The following PRSS12 variants were observed in gnomAD, a reference collection of about 807,000 sequenced individuals.
PRSS12 encodes the protein neurotrypsin.
Under a neutral mutation model 104.4 loss-of-function variants are expected in PRSS12, and 85 were observed. That is an observed-to-expected ratio of 0.81 (90% CI 0.68 to 0.98). The LOEUF (loss-of-function observed/expected upper bound fraction) is 0.98. PRSS12 is among the 50% of genes least tolerant of loss of function. The probability of loss-of-function intolerance (pLI) is 0.00; values close to 1 mark genes in which losing one functional copy is unlikely to be tolerated. For missense variants in PRSS12, 1,141 were observed against 1,139.2 expected, an observed-to-expected ratio of 1.00 and a Z score of -0.02; for synonymous variants, 454 against 425.2, an observed-to-expected ratio of 1.07 and a Z score of -0.83.
chr4:118,298,823 C>T lies in PRSS12; in HGVS notation c.1747G>A (p.Asp583Asn), dbSNP rs1454348117. 1.2e-6 allele frequency: 2 copies of T among 1,614,144 alleles called. No individual in the cohort carries two copies. Among genetic ancestry groups the T allele is most frequent in the East Asian group, 4.5e-5 (2 of 44,878 alleles). Residue 583 changes from aspartate to asparagine, a missense_variant, in exon 9 of 13, where the codon GAT becomes AAT. By Grantham distance (23) the Asp-to-Asn change is conservative. Transcript: ENST00000296498. The stretch of plus-strand genomic sequence containing the variant: ...TGGCGGCAGTTGTGTCTTCCAATAT[C>T]TTGCTTGATACAGTCAGCCAAGGAC... ...ERSLADCIKQ[D>N]IGRHNCRHSE...
At chr4:118,289,713 T>C (rs1233398288) in intron 11 of PRSS12, among the ~76,000 whole-genome samples, 1 of 152,192 alleles carries the variant, frequency 6.6e-6, no homozygotes, top group Admixed American at 6.5e-5. Flanking sequence ...AATAAAGATG[T>C]GAGCTGTAGC....
At chr4:118,335,801 C>T in intron 2 of PRSS12, 150 bp from the exon 3 acceptor site, 1 of 780,940 alleles carries the variant, frequency 1.3e-6, no homozygotes, top group Non-Finnish European at 2.1e-6. Flanking sequence ...AAGACTACAT[C>T]AGTTTCAAGG....
intron 4 of PRSS12, among the ~76,000 whole-genome samples, chr4:118,320,942 T>C (rs1170801460): frequency 6.6e-6 from 1 of 152,112 alleles, no homozygotes; most frequent in Non-Finnish European, 1.5e-5. Flanking sequence ...AGAAGATGGC[T>C]TAAGCAAAAT....
At chr4:118,326,227 T>C (rs984260639) in intron 4 of PRSS12, among the ~76,000 whole-genome samples, 2 of 152,184 alleles carry the variant, frequency 1.3e-5, no homozygotes, top group Non-Finnish European at 2.9e-5. Flanking sequence ...TTGTAATCCA[T>C]GGATGAAAAA....
At position 118,352,883 on chromosome 4, in the gene PRSS12, G is replaced by T; in HGVS notation, c.-163C>A. 2.1e-6 allele frequency: 3 copies of T among 1,415,724 alleles called. No homozygotes were observed. Among genetic ancestry groups the T allele is most frequent in the Middle Eastern group, 2.6e-4 (1 of 3,882 alleles). 87.7% of individuals were successfully genotyped at this position (1,415,724 alleles called of 1,614,324 possible). A position where few individuals can be genotyped will look rare whatever the true frequency, so the allele number is the denominator to read the frequency against. On this transcript the variant is annotated 5_prime_UTR_variant, in exon 1 of 13. Transcript: ENST00000296498. ...CGCCTCCCCAACCTTGCCTCCCGCC[G>T]CTGGTGCCCTGCCGCGCCTCGGCTC... is the stretch of plus-strand genomic sequence containing the variant.
At chr4:118,301,710 G>T (rs1196016733) in intron 8 of PRSS12, among the ~76,000 whole-genome samples, 8 of 151,960 alleles carry the variant, frequency 5.3e-5, no homozygotes, top group Admixed American at 5.2e-4. Context: ...TTTTTGTTTT[G>T]TTGTTAGTTT....
chr4:118,352,712 G>A lies in PRSS12; in HGVS notation c.9C>T (p.Leu3=), dbSNP rs746137392. MT[L]ARFVLALMLG... ...ACATCAGGGCTAGCACGAAGCGGGC[G>A]AGCGTCATGGTGCCAGCGCTGCGGG... is the stretch of plus-strand genomic sequence containing the variant. The change falls in exon 1 of 13, where the codon CTC becomes CTT. Residue 3 remains leucine, a synonymous_variant. Transcript: ENST00000296498. The A allele has an allele frequency of 6.2e-5, 100 of 1,612,722 alleles. No individual in the cohort carries two copies. The highest frequency in any genetic ancestry group is 5.7e-4 in the Admixed American group (34 of 59,980).
At chr4:118,284,298 A>C (rs1742966246) in intron 11 of PRSS12, among the ~76,000 whole-genome samples, 2 of 152,330 alleles carry the variant, frequency 1.3e-5, no homozygotes, top group Admixed American at 6.5e-5. Flanking sequence ...CCTGTTAGGC[A>C]AACTGCCCCC....
At chr4:118,304,249 C>T (rs967913721) in intron 8 of PRSS12, among the ~76,000 whole-genome samples, 4 of 150,654 alleles carry the variant, frequency 2.7e-5, no homozygotes, top group East Asian at 1.9e-4. Flanking sequence ...ATTGAGATTC[C>T]GTGGGGGAAG....
chr4:118,344,664 GA>G (rs937613122), intron 1 of PRSS12, among the ~76,000 whole-genome samples: 2 of 151,748 alleles, frequency 1.3e-5, no homozygotes, highest in African/African-American at 2.4e-5. Context: ...TAAATGCTGA[GA>G]AAAAAAATCA....
In PRSS12 at chr4:118,281,317, A is replaced by G. The variant is rs993508528; in HGVS notation, c.*619T>C. ...TGGTTTCTGTAGCACTTGGTACTCA[A>G]CAAGGATACTTGTTTCCAAATATCA... On this transcript the variant is annotated 3_prime_UTR_variant, in exon 13 of 13. Transcript: ENST00000296498. 1 of 155,522 alleles carries G rather than the reference A, an allele frequency of 6.4e-6. No individual in the cohort carries two copies. Among genetic ancestry groups the G allele is most frequent in the Admixed American group, 6.2e-5 (1 of 16,080 alleles). 9.6% of individuals were successfully genotyped at this position (155,522 alleles called of 1,614,324 possible). A position where few individuals can be genotyped will look rare whatever the true frequency, so the allele number is the denominator to read the frequency against.
chr4:118,350,290 A>G (rs1351553704), intron 1 of PRSS12, among the ~76,000 whole-genome samples: 1 of 152,248 alleles, frequency 6.6e-6, no homozygotes, highest in African/African-American at 2.4e-5. Context: ...CTAAAGCACA[A>G]TTCAATATTC....
intron 8 of PRSS12, among the ~76,000 whole-genome samples, chr4:118,306,287 T>C (rs1057428574): frequency 2.0e-5 from 3 of 152,216 alleles, no homozygotes; most frequent in Non-Finnish European, 4.4e-5. Context: ...CTAAATTCAC[T>C]TTTGAGTTAA....
In PRSS12 at chr4:118,315,749, A is replaced by G. The variant is rs1743888643; in HGVS notation, c.1292+433T>C. Among the ~76,000 whole-genome samples the G allele has an allele frequency of 3.3e-5, 5 of 152,224 alleles. No individual in the cohort carries two copies. In the South Asian group the frequency reaches 1.0e-3, roughly 31 times the overall value. On this transcript the variant is annotated intron_variant, in intron 6 of 12. Transcript: ENST00000296498. Reference sequence around the variant, plus strand: ...AACAAGAGGGCTGTTTTTCTCAAATAAAAGTGATAATTATCATCACATTCT... The same window carrying G: ...AACAAGAGGGCTGTTTTTCTCAAATGAAAGTGATAATTATCATCACATTCT...
At chr4:118,298,647 G>C (rs1743313923) in intron 9 of PRSS12, 86 bp downstream of exon 9, 2 of 1,300,944 alleles carry the variant, frequency 1.5e-6, no homozygotes, top group Admixed American at 3.5e-5. Flanking sequence ...TGTTGTACTA[G>C]ATTTCTGTTA....
Position 118,281,986 on chromosome 4 carries a change from T to A in PRSS12, c.2578A>T (p.Thr860Ser), listed in dbSNP as rs1431708270. The A allele has an allele frequency of 6.5e-7, 1 of 1,544,996 alleles. No homozygotes were observed. The highest frequency in any genetic ancestry group is 1.1e-5 in the South Asian group (1 of 89,638). The part of the protein sequence containing the change: ...CGVKDSPGVY[T>S]KVSAFVPWIK... ...CAAGGTACAAAGGCTGAGACTTTGG[T>A]ATAAACACCAGGAGAATCCTTGACT... Residue 860 changes from threonine to serine, a missense_variant, in exon 13 of 13, where the codon ACC becomes TCC. Thr to Ser is a moderately conservative substitution (Grantham distance 58). Coordinates refer to ENST00000296498, the MANE Select transcript of PRSS12 (RefSeq NM_003619.4).
intron 1 of PRSS12, among the ~76,000 whole-genome samples, chr4:118,344,207 A>T (rs1020217871): frequency 6.6e-6 from 1 of 152,194 alleles, no homozygotes; most frequent in Non-Finnish European, 1.5e-5. Context: ...CACATATTTG[A>T]CATTAAGTTA....
intron 1 of PRSS12, among the ~76,000 whole-genome samples, chr4:118,344,958 T>C (rs1724320852): frequency 6.6e-6 from 1 of 152,156 alleles, no homozygotes; most frequent in Admixed American, 6.5e-5. Context: ...CAGTGAGTGA[T>C]GAAATTGAAA....
intron 8 of PRSS12, among the ~76,000 whole-genome samples, chr4:118,305,058 T>G (rs888887818): frequency 1.3e-5 from 2 of 150,570 alleles, no homozygotes; most frequent in African/African-American, 4.9e-5. Flanking sequence ...ATAGACATGA[T>G]GAAAAAAAGA....
Sources: allele counts gnomAD v4.1 joint callset (sites outside exome capture counted in the v4.1 genomes callset), GRCh38; gene constraint gnomAD v4.1.1; transcripts MANE v1.5; gene names NCBI Gene and HGNC (gene_info 2026-07-23, HGNC 2026-07-21).